The following KCNMA1 variants were observed in gnomAD, a reference collection of about 807,000 sequenced individuals.
KCNMA1 encodes Calcium-activated potassium channel subunit alpha-1.
KCNMA1 carries 29 observed loss-of-function variants against 140.0 expected under a neutral mutation model. The ratio of observed to expected loss-of-function variants is 0.21; its 90% CI spans 0.15 to 0.28. The LOEUF is 0.28. Ranked by LOEUF, KCNMA1 falls within the 10% of genes least tolerant of loss-of-function variation. The pLI, the probability that KCNMA1 is intolerant of heterozygous loss-of-function variation, is 1.00. For synonymous variants in KCNMA1, 612 were observed against 611.9 expected, an observed-to-expected ratio of 1.00 and a Z score of 0.00; for missense variants, 880 against 1,602.2, an observed-to-expected ratio of 0.55 and a Z score of 7.70.
intron 2 of KCNMA1, among the ~76,000 whole-genome samples, chr10:77,338,076 A>G (rs186027798): frequency 6.6e-6 from 1 of 152,302 alleles, no homozygotes; most frequent in East Asian, 1.9e-4. Context: ...CAATCATGTC[A>G]GGAGGAGCTC....
At chr10:76,936,747 GA>G (rs1214092236) in intron 23 of KCNMA1, among the ~76,000 whole-genome samples, 1 of 152,142 alleles carries the variant, frequency 6.6e-6, no homozygotes, top group Non-Finnish European at 1.5e-5. Context: ...AGAGCCCTGG[GA>G]AAAAGGCAGG....
intron 5 of KCNMA1, among the ~76,000 whole-genome samples, chr10:77,121,953 C>G (rs2097609247): frequency 1.3e-5 from 2 of 152,288 alleles, no homozygotes; most frequent in Admixed American, 1.3e-4. Context: ...ACACCCACTC[C>G]CAAGGGGATT....
chr10:77,410,364 T>A (rs563873757), intron 1 of KCNMA1, among the ~76,000 whole-genome samples: 34 of 152,252 alleles, frequency 2.2e-4, no homozygotes, highest in Non-Finnish European at 3.8e-4. Context: ...ACCTGCTGGA[T>A]GACTGCCTCA....
Position 77,586,850 on chromosome 10 carries a change from C to T in KCNMA1, c.378+50415G>A, listed in dbSNP as rs574283850. Among the ~76,000 whole-genome samples, 5 of 152,270 alleles carry T rather than the reference C, an allele frequency of 3.3e-5. No individual in the cohort carries two copies. In the East Asian group the frequency reaches 9.7e-4, roughly 29 times the overall value. On this transcript the variant is annotated intron_variant, in intron 1 of 27. Coordinates refer to ENST00000286628, the MANE Select transcript of KCNMA1 (RefSeq NM_001161352.2). ...CTAACTCAGCCCTCACTATTGACTC[C>T]TAGCTCTATTTTTACCTGATCTGTT...
chr10:76,908,434 TC>T (rs2048698582), intron 25 of KCNMA1, among the ~76,000 whole-genome samples: 1 of 152,242 alleles, frequency 6.6e-6, no homozygotes, highest in African/African-American at 2.4e-5. Context: ...CAGACGAATG[TC>T]ATTTCACAGT....
intron 1 of KCNMA1, among the ~76,000 whole-genome samples, chr10:77,533,441 AT>A (rs1251634909): frequency 6.6e-6 from 1 of 152,162 alleles, no homozygotes; most frequent in Non-Finnish European, 1.5e-5. Context: ...TGTCTGCTTC[AT>A]TTGCAAACAC....
chr10:77,315,824 T>C (rs1047726372), intron 2 of KCNMA1: 2 of 152,276 alleles, frequency 1.3e-5, no homozygotes, highest in African/African-American at 4.8e-5. Flanking sequence ...CCAAACATCA[T>C]AAACTGCATC....
intron 1 of KCNMA1, among the ~76,000 whole-genome samples, chr10:77,581,117 G>C (rs2075751763): frequency 1.3e-5 from 2 of 152,238 alleles, no homozygotes. Context: ...GACCCTGCAA[G>C]TTACATAGCC....
At chr10:77,118,989 A>T (rs2097539795) in intron 6 of KCNMA1, among the ~76,000 whole-genome samples, 1 of 152,224 alleles carries the variant, frequency 6.6e-6, no homozygotes, top group African/African-American at 2.4e-5. Context: ...AGTTTCATAT[A>T]GTGGGAAGTG....
chr10:77,229,285 G>T (rs1175033605), intron 3 of KCNMA1, among the ~76,000 whole-genome samples: 2 of 145,118 alleles, frequency 1.4e-5, no homozygotes, highest in Non-Finnish European at 3.0e-5. Context: ...TAAACATATT[G>T]CAATTTGGGT....
At chr10:77,407,218 G>A (rs1405902705) in intron 1 of KCNMA1, among the ~76,000 whole-genome samples, 2 of 152,202 alleles carry the variant, frequency 1.3e-5, no homozygotes, top group East Asian at 3.9e-4. Flanking sequence ...GCTATTTAAA[G>A]CCTGATGCCA....
chr10:77,341,681 C>A (rs2090964597), intron 2 of KCNMA1, among the ~76,000 whole-genome samples: 1 of 152,164 alleles, frequency 6.6e-6, no homozygotes, highest in South Asian at 2.1e-4. Flanking sequence ...AAGGTTGGGG[C>A]TGGTGAAGGG....
chr10:77,468,017 A>T (rs898608661), intron 1 of KCNMA1, among the ~76,000 whole-genome samples: 2 of 152,016 alleles, frequency 1.3e-5, no homozygotes, highest in Admixed American at 1.3e-4. Context: ...ATTTATTTTT[A>T]AATTTTTTGA....
chr10:77,251,765 C>G (rs2059708048), intron 2 of KCNMA1, among the ~76,000 whole-genome samples: 1 of 152,200 alleles, frequency 6.6e-6, no homozygotes. Context: ...GCAATCATCA[C>G]TGTAATCCAG....
intron 2 of KCNMA1, among the ~76,000 whole-genome samples, chr10:77,401,219 G>C (rs2096253822): frequency 6.6e-6 from 1 of 151,596 alleles, no homozygotes; most frequent in Admixed American, 6.6e-5. Context: ...GGCGATCTCA[G>C]CAGAGCCGCT....
chr10:77,003,832 C>T (rs576335813), intron 18 of KCNMA1, among the ~76,000 whole-genome samples: 2 of 152,266 alleles, frequency 1.3e-5, no homozygotes, highest in East Asian at 3.9e-4. Flanking sequence ...GATGAAATAA[C>T]TTTTGAAACT....
intron 2 of KCNMA1, among the ~76,000 whole-genome samples, chr10:77,352,201 T>C (rs1246815927): frequency 1.3e-5 from 2 of 152,244 alleles, no homozygotes; most frequent in South Asian, 2.1e-4. Context: ...ATGAAAAATA[T>C]CCTACTTTCA....
chr10:76,954,017 G>T, intron 20 of KCNMA1, 93 bp from the exon 21 acceptor site: 1 of 1,381,084 alleles, frequency 7.2e-7, no homozygotes, highest in East Asian at 2.5e-5. Context: ...GGATGTGAAA[G>T]ATGCAGAGGA....
At chr10:77,026,279 C>T (rs962106168) in intron 16 of KCNMA1, among the ~76,000 whole-genome samples, 2 of 152,074 alleles carry the variant, frequency 1.3e-5, no homozygotes, top group South Asian at 2.1e-4. Flanking sequence ...CCAGAATGGT[C>T]GAAAAACACT....
Sources: allele counts gnomAD v4.1 joint callset (sites outside exome capture counted in the v4.1 genomes callset), GRCh38; gene constraint gnomAD v4.1.1; transcripts MANE v1.5; gene names NCBI Gene and HGNC (gene_info 2026-07-23, HGNC 2026-07-21).